NMNAT2: variants seen among roughly 807,000 people sequenced by gnomAD.
The protein encoded by NMNAT2 is nicotinamide nucleotide adenylyltransferase 2.
In NMNAT2, 11 loss-of-function variants were observed where a neutral mutation model predicts 41.6. The ratio of observed to expected loss-of-function variants is 0.26; its 90% CI spans 0.17 to 0.44. The LOEUF is 0.44. Ranked by LOEUF, NMNAT2 falls within the 20% of genes least tolerant of loss-of-function variation. NMNAT2 has a pLI of 1.00. For synonymous variants in NMNAT2, 148 were observed against 151.2 expected (o/e 0.98, Z 0.16); for missense variants, 288 against 407.7 (o/e 0.71, Z 2.53).
chr1:183,256,982 C>T (rs945491903), intron 10 of NMNAT2, among the ~76,000 whole-genome samples: 1 of 151,882 alleles, frequency 6.6e-6, no homozygotes, highest in Non-Finnish European at 1.5e-5. Flanking sequence ...GAACTCCTGA[C>T]CTCAAGTGAT....
At chr1:183,378,103 A>G (rs547280225) in intron 1 of NMNAT2, among the ~76,000 whole-genome samples, 9 of 152,288 alleles carry the variant, frequency 5.9e-5, no homozygotes, top group African/African-American at 2.2e-4. Context: ...TTAAAAAAAT[A>G]AAAATAGTCT....
intron 8 of NMNAT2, among the ~76,000 whole-genome samples, chr1:183,277,366 C>T (rs987390677): frequency 2.0e-5 from 3 of 151,788 alleles, no homozygotes; most frequent in African/African-American, 4.8e-5. Context: ...GCCTGTAATT[C>T]CAGGTGCCTG....
chr1:183,338,014 T>C (rs866794633), intron 1 of NMNAT2, among the ~76,000 whole-genome samples: 15 of 152,046 alleles, frequency 9.9e-5, no homozygotes, highest in African/African-American at 3.6e-4. Flanking sequence ...ATCCCCTCTC[T>C]AAAGAAAGGT....
chr1:183,319,874 T>A (rs1454631421), intron 1 of NMNAT2, among the ~76,000 whole-genome samples: 4 of 152,152 alleles, frequency 2.6e-5, no homozygotes. Context: ...CATCTGCAGT[T>A]CCCATCCTCT....
At chr1:183,360,605 G>A (rs975619969) in intron 1 of NMNAT2, among the ~76,000 whole-genome samples, 11 of 152,184 alleles carry the variant, frequency 7.2e-5, no homozygotes, top group African/African-American at 2.7e-4. Flanking sequence ...CAGAACTGAG[G>A]TCTAGAAATG....
At chr1:183,400,477 G>A (rs1219467378) in intron 1 of NMNAT2, among the ~76,000 whole-genome samples, 1 of 152,136 alleles carries the variant, frequency 6.6e-6, no homozygotes, top group Non-Finnish European at 1.5e-5. Context: ...TCGTGAAAAT[G>A]GCCATACTGC....
chr1:183,326,175 A>G (rs762233169), intron 1 of NMNAT2, among the ~76,000 whole-genome samples: 5 of 152,232 alleles, frequency 3.3e-5, no homozygotes, highest in Middle Eastern at 3.4e-3. Flanking sequence ...CAGGAGTTCA[A>G]GACCAGCCTG....
intron 1 of NMNAT2, among the ~76,000 whole-genome samples, chr1:183,301,165 G>A (rs1242023195): frequency 1.6e-4 from 24 of 152,198 alleles, no homozygotes; most frequent in Admixed American, 1.4e-3. Context: ...TTGCACTAGA[G>A]GAGGCCATCT....
At chr1:183,352,182 G>T (rs528986059) in intron 1 of NMNAT2, among the ~76,000 whole-genome samples, 1 of 152,106 alleles carries the variant, frequency 6.6e-6, no homozygotes, top group Non-Finnish European at 1.5e-5. Context: ...CTTCAAAATC[G>T]TTCACCTCCC....
intron 1 of NMNAT2, among the ~76,000 whole-genome samples, chr1:183,370,217 A>AACACACAC (rs1169390842): frequency 2.3e-4 from 21 of 89,408 alleles, no homozygotes; most frequent in Admixed American, 4.0e-4. Context: ...CACTACTATC[A>AACACACAC]ACACATACAC....
intron 8 of NMNAT2, among the ~76,000 whole-genome samples, chr1:183,269,195 A>G (rs1374654452): frequency 6.6e-6 from 1 of 152,176 alleles, no homozygotes; most frequent in Non-Finnish European, 1.5e-5. Context: ...TATCTAGGAG[A>G]AGAGGATTCC....
chr1:183,339,163 T>C (rs1662740581), intron 1 of NMNAT2, among the ~76,000 whole-genome samples: 1 of 152,134 alleles, frequency 6.6e-6, no homozygotes, highest in African/African-American at 2.4e-5. Flanking sequence ...AGTGGTACGA[T>C]CTCGGCTCAC....
At chr1:183,413,032 T>G (rs1649160117) in intron 1 of NMNAT2, among the ~76,000 whole-genome samples, 1 of 152,230 alleles carries the variant, frequency 6.6e-6, no homozygotes, top group Admixed American at 6.5e-5. Flanking sequence ...TATAAGAATT[T>G]TCCTGGCTGG....
intron 1 of NMNAT2, among the ~76,000 whole-genome samples, chr1:183,382,321 C>T (rs61809264): frequency 7.0e-6 from 1 of 143,588 alleles, no homozygotes. Context: ...TCCTCCAACA[C>T]TGGGGGTTAC....
intron 1 of NMNAT2, among the ~76,000 whole-genome samples, chr1:183,316,592 C>T (rs1557876129): frequency 6.6e-6 from 1 of 152,176 alleles, no homozygotes. Flanking sequence ...GCACCTCGGT[C>T]CCCTGAGCTG....
At chr1:183,297,568 G>GCCACC (rs1661736879) in intron 1 of NMNAT2, among the ~76,000 whole-genome samples, 1 of 152,038 alleles carries the variant, frequency 6.6e-6, no homozygotes, top group East Asian at 1.9e-4. Flanking sequence ...TTTTAGTAGA[G>GCCACC]ACGAGGTTTC....
At chr1:183,315,219 C>T (rs965053950) in intron 1 of NMNAT2, among the ~76,000 whole-genome samples, 2 of 152,192 alleles carry the variant, frequency 1.3e-5, no homozygotes, top group African/African-American at 4.8e-5. Flanking sequence ...ATAGCTGATT[C>T]TGAAATCACT....
intron 8 of NMNAT2, 22 bp downstream of exon 8, chr1:183,278,531 A>G (rs376419038): frequency 6.3e-7 from 1 of 1,576,856 alleles, no homozygotes; most frequent in Admixed American, 1.7e-5. Flanking sequence ...GCTGGGTGCC[A>G]GGCAATAACC....
intron 1 of NMNAT2, among the ~76,000 whole-genome samples, chr1:183,410,047 C>G (rs1021870753): frequency 6.6e-5 from 10 of 151,922 alleles, no homozygotes; most frequent in African/African-American, 2.4e-4. Context: ...GGTGGCACAC[C>G]CCTGCAATCT....
Sources: allele counts gnomAD v4.1 joint callset (sites outside exome capture counted in the v4.1 genomes callset), GRCh38; gene constraint gnomAD v4.1.1; transcripts MANE v1.5; gene names NCBI Gene and HGNC (gene_info 2026-07-23, HGNC 2026-07-21).